The following ANK3 variants were observed in gnomAD, a reference collection of about 807,000 sequenced individuals.
ANK3 encodes the protein ankyrin 3.
ANK3 carries 57 observed loss-of-function variants against 370.9 expected under a neutral mutation model. That is an observed-to-expected ratio of 0.15 (90% CI 0.12 to 0.19). The LOEUF is 0.19. Among genes scored for constraint, ANK3 ranks in the 10% least tolerant of loss-of-function variants. The pLI is 1.00. For synonymous variants in ANK3, 1,929 were observed against 1,946.3 expected (o/e 0.99, Z 0.23); for missense variants, 4,439 against 5,302.1 (o/e 0.84, Z 5.06).
chr10:60,495,950 C>T (rs2075643921), intron 2 of ANK3, among the ~76,000 whole-genome samples: 1 of 151,646 alleles, frequency 6.6e-6, no homozygotes, highest in African/African-American at 2.4e-5. Context: ...AAATTAAGGA[C>T]AGATTACTGG....
intron 1 of ANK3, among the ~76,000 whole-genome samples, chr10:60,669,849 G>T (rs1227347965): frequency 6.6e-6 from 1 of 152,068 alleles, no homozygotes; most frequent in Non-Finnish European, 1.5e-5. Flanking sequence ...TTGAGACAGG[G>T]CCTTGCTCTG....
chr10:60,363,474 C>A (rs1427428982), intron 1 of ANK3, among the ~76,000 whole-genome samples: 1 of 152,116 alleles, frequency 6.6e-6, no homozygotes, highest in African/African-American at 2.4e-5. Flanking sequence ...GAATAAAGGG[C>A]CCAGATAGGG....
At chr10:60,207,968 T>TGTGTATG in intron 10 of ANK3, 68 bp downstream of exon 10, 1 of 1,378,634 alleles carries the variant, frequency 7.3e-7, no homozygotes, top group Non-Finnish European at 1.0e-6. Context: ...AAGCATTCCC[T>TGTGTATG]TCACATACAG....
chr10:60,693,102 G>A (rs2133405383), intron 1 of ANK3, among the ~76,000 whole-genome samples: 1 of 152,302 alleles, frequency 6.6e-6, no homozygotes, highest in South Asian at 2.1e-4. Flanking sequence ...AAGCGCAAGG[G>A]GTCAGGGAGT....
In ANK3 at chr10:60,589,249, T is replaced by A. The variant is rs2077876952; in HGVS notation, c.96+25937A>T. On this transcript the variant is annotated intron_variant, in intron 2 of 43. Coordinates refer to the ANK3 transcript ENST00000373827. ...AAAGAAATTAGGTACCAGTTAAAAT[T>A]GTTGAAGCTAGACTAAAGGTTACAT... Among the ~76,000 whole-genome samples, 2 of 152,198 alleles carry A rather than the reference T, an allele frequency of 1.3e-5. 1 individual carries two copies. The highest frequency in any genetic ancestry group is 4.1e-4 in the South Asian group (2 of 4,832).
intron 2 of ANK3, among the ~76,000 whole-genome samples, chr10:60,398,096 T>C (rs763864871): frequency 2.0e-5 from 3 of 152,204 alleles, no homozygotes; most frequent in Non-Finnish European, 2.9e-5. Context: ...TAATGGACTC[T>C]GTGAAAAAGC....
At chr10:60,173,882 T>C (rs1047876438) in intron 18 of ANK3, among the ~76,000 whole-genome samples, 3 of 152,210 alleles carry the variant, frequency 2.0e-5, no homozygotes, top group Admixed American at 6.5e-5. Context: ...TATGTGTGTG[T>C]ATGTATGTGT....
chr10:60,104,357 C>CAA (rs747064489), intron 28 of ANK3, among the ~76,000 whole-genome samples: 16 of 53,754 alleles, frequency 3.0e-4, no homozygotes, highest in African/African-American at 9.4e-4. Context: ...GACTCCATCT[C>CAA]AAAAAAAAAA....
chr10:60,467,552 G>T (rs2133069742), intron 2 of ANK3, among the ~76,000 whole-genome samples: 1 of 152,152 alleles, frequency 6.6e-6, no homozygotes, highest in East Asian at 1.9e-4. Context: ...GTTAATAGAG[G>T]CATATTTAGC....
intron 27 of ANK3, among the ~76,000 whole-genome samples, chr10:60,108,580 T>C (rs2092422104): frequency 6.6e-6 from 1 of 152,166 alleles, no homozygotes; most frequent in Admixed American, 6.5e-5. Context: ...TGGGGTTCCG[T>C]GCACTTGCTG....
chr10:60,445,940 A>G (rs1054741741), intron 2 of ANK3, among the ~76,000 whole-genome samples: 3 of 152,214 alleles, frequency 2.0e-5, no homozygotes, highest in East Asian at 3.8e-4. Flanking sequence ...ATGTCTGCCC[A>G]ATGTAACCAC....
At chr10:60,563,606 G>A (rs1362000032) in intron 2 of ANK3, among the ~76,000 whole-genome samples, 5 of 152,124 alleles carry the variant, frequency 3.3e-5, no homozygotes, top group East Asian at 1.9e-4. Flanking sequence ...ATAGCTTCAC[G>A]TAGGTCAGAT....
intron 11 of ANK3, among the ~76,000 whole-genome samples, chr10:60,204,107 A>G (rs2096725349): frequency 6.6e-6 from 1 of 152,358 alleles, no homozygotes; most frequent in East Asian, 1.9e-4. Context: ...CTATACAATC[A>G]AAGTGAGGTA....
chr10:60,435,719 G>T lies in ANK3; in HGVS notation c.97-156080C>A, dbSNP rs72806187. Among the ~76,000 whole-genome samples, 763 of 152,258 alleles carry T rather than the reference G, an allele frequency of 5.0e-3. 4 individuals are homozygous for T. Among genetic ancestry groups the T allele is most frequent in the Non-Finnish European group, 6.4e-3 (436 of 68,018 alleles). ...CCACTAATCTACTTTCTGTCTTTCA[G>T]GATTTGCCTACTCTGGACATTTCAT... On this transcript the variant is annotated intron_variant, in intron 2 of 43. Coordinates refer to the ANK3 transcript ENST00000373827.
At chr10:60,346,943 C>T (rs1304308800) in intron 1 of ANK3, among the ~76,000 whole-genome samples, 1 of 105,452 alleles carries the variant, frequency 9.5e-6, no homozygotes, top group African/African-American at 2.9e-5. Context: ...TTATTGTTTC[C>T]TAATGATTTC....
intron 2 of ANK3, among the ~76,000 whole-genome samples, chr10:60,529,727 G>A (rs1038182763): frequency 8.5e-5 from 13 of 152,066 alleles, no homozygotes; most frequent in African/African-American, 2.7e-4. Context: ...ATTAAGCACT[G>A]GCATATATGA....
chr10:60,514,789 A>C (rs2076176115), intron 2 of ANK3, among the ~76,000 whole-genome samples: 1 of 152,138 alleles, frequency 6.6e-6, no homozygotes, highest in East Asian at 1.9e-4. Flanking sequence ...AAAACTAGTG[A>C]ATATGTTTCC....
intron 27 of ANK3, among the ~76,000 whole-genome samples, chr10:60,106,323 A>C (rs1220128525): frequency 6.6e-6 from 1 of 152,184 alleles, no homozygotes; most frequent in Non-Finnish European, 1.5e-5. Flanking sequence ...TTTTCAGTAC[A>C]TATAAATAGG....
At chr10:60,375,288 T>C (rs1353887745) in intron 1 of ANK3, among the ~76,000 whole-genome samples, 1 of 152,156 alleles carries the variant, frequency 6.6e-6, no homozygotes, top group Non-Finnish European at 1.5e-5. Flanking sequence ...CATTGACAGT[T>C]AATATTTAGC....
Sources: gnomAD v4.1 joint callset for allele counts (sites outside exome capture counted in the v4.1 genomes callset) on GRCh38, gnomAD v4.1.1 for gene constraint, MANE v1.5 for transcripts, NCBI Gene and HGNC (gene_info 2026-07-23, HGNC 2026-07-21) for gene names.